ZNG1E: variants seen among roughly 807,000 people sequenced by gnomAD.
ZNG1E encodes the protein zinc-regulated GTPase metalloprotein activator 1E.
the ZNG1E span, among the ~76,000 whole-genome samples, chr9:65,691,539 A>G: frequency 6.6e-6 from 1 of 152,240 alleles, no homozygotes; most frequent in African/African-American, 2.4e-5. Context: ...GTGGAACTCG[A>G]TGTCACTCAA....
chr9:65,728,474 G>T, the ZNG1E span, among the ~76,000 whole-genome samples: 3 of 148,562 alleles, frequency 2.0e-5, no homozygotes, highest in African/African-American at 7.7e-5. Flanking sequence ...TTGATAGACC[G>T]TTAGCAAGAT....
chr9:65,668,178 A>C, the ZNG1E span, among the ~76,000 whole-genome samples: 1 of 151,802 alleles, frequency 6.6e-6, no homozygotes, highest in African/African-American at 2.4e-5. Context: ...AATTTTATGA[A>C]TGCACATGTA....
At chr9:65,681,020 C>T in the ZNG1E span, among the ~76,000 whole-genome samples, 4 of 151,760 alleles carry the variant, frequency 2.6e-5, no homozygotes, top group Admixed American at 2.0e-4. Flanking sequence ...GATCTCCTGA[C>T]CTCGTGATCC....
the ZNG1E span, among the ~76,000 whole-genome samples, chr9:65,656,611 G>A: frequency 1.3e-5 from 2 of 152,282 alleles, no homozygotes; most frequent in Admixed American, 6.5e-5. Context: ...CCAGATAATG[G>A]TCCCTCTCCC....
the ZNG1E span, among the ~76,000 whole-genome samples, chr9:65,694,114 G>A: frequency 6.0e-5 from 9 of 150,704 alleles, 1 homozygote; most frequent in East Asian, 5.8e-4. Flanking sequence ...ACAGTTTCAC[G>A]CAGAAAAATT....
At chr9:65,684,550 G>GCACA in the ZNG1E span, among the ~76,000 whole-genome samples, 582 of 132,656 alleles carry the variant, frequency 4.4e-3, 5 homozygotes, top group African/African-American at 0.011. Flanking sequence ...ACACACGCAC[G>GCACA]CACACACACA....
At chr9:65,703,589 T>A in the ZNG1E span, 1 of 120,340 alleles carries the variant, frequency 8.3e-6, no homozygotes, top group Non-Finnish European at 1.0e-5. Context: ...AAGCTCATTT[T>A]TTTTTTTTTT....
At chr9:65,666,311 G>T in the ZNG1E span, among the ~76,000 whole-genome samples, 6 of 150,014 alleles carry the variant, frequency 4.0e-5, no homozygotes, top group Admixed American at 1.4e-4. Context: ...AGTCTCATGA[G>T]ATCTGATGGT....
At chr9:65,703,831 C>A in the ZNG1E span, 3 of 968,822 alleles carry the variant, frequency 3.1e-6, no homozygotes, top group Non-Finnish European at 3.6e-6. Flanking sequence ...GCAGCAGCTG[C>A]TTATATGCAT....
At chr9:65,677,519 G>A in the ZNG1E span, among the ~76,000 whole-genome samples, 30 of 152,328 alleles carry the variant, frequency 2.0e-4, no homozygotes, top group East Asian at 2.3e-3. Flanking sequence ...CTGAAACTTC[G>A]TCTGTTACCA....
the ZNG1E span, among the ~76,000 whole-genome samples, chr9:65,709,359 A>G: frequency 1.3e-5 from 2 of 150,136 alleles, no homozygotes; most frequent in African/African-American, 2.5e-5. Context: ...TTATTTATTT[A>G]TTATTATTAT....
the ZNG1E span, among the ~76,000 whole-genome samples, chr9:65,656,744 T>G: frequency 1.3e-5 from 2 of 152,286 alleles, no homozygotes; most frequent in African/African-American, 4.8e-5. Flanking sequence ...GGAACATTTA[T>G]AAGCTAACAG....
At chr9:65,659,155 T>C in the ZNG1E span, among the ~76,000 whole-genome samples, 1 of 152,170 alleles carries the variant, frequency 6.6e-6, no homozygotes, top group Non-Finnish European at 1.5e-5. Flanking sequence ...TCACCAGCAA[T>C]TTGGGAGACT....
the ZNG1E span, chr9:65,708,173 G>A: frequency 4.8e-5 from 7 of 145,532 alleles, no homozygotes; most frequent in South Asian, 2.2e-4. Flanking sequence ...GTCCTCTGTG[G>A]TTTTCTGGGC....
the ZNG1E span, chr9:65,704,011 A>G: frequency 9.8e-6 from 4 of 408,394 alleles, no homozygotes; most frequent in Non-Finnish European, 1.1e-5. Flanking sequence ...CACTTATACC[A>G]TGAGCCATTC....
the ZNG1E span, among the ~76,000 whole-genome samples, chr9:65,662,480 A>C: frequency 1.3e-5 from 2 of 152,196 alleles, no homozygotes; most frequent in Non-Finnish European, 2.9e-5. Context: ...GTAAGATATT[A>C]ACATTCAGGA....
At chr9:65,665,012 G>A in the ZNG1E span, among the ~76,000 whole-genome samples, 1 of 152,258 alleles carries the variant, frequency 6.6e-6, no homozygotes, top group African/African-American at 2.4e-5. Flanking sequence ...TGACTTGGGT[G>A]CTGTTAAAGG....
the ZNG1E span, among the ~76,000 whole-genome samples, chr9:65,717,635 G>A: frequency 6.7e-6 from 1 of 149,440 alleles, no homozygotes; most frequent in Non-Finnish European, 1.5e-5. Context: ...ACATTTAAAT[G>A]TGTTTACAAG....
chr9:65,707,661 TG>T, the ZNG1E span: 1 of 75,682 alleles, frequency 1.3e-5, no homozygotes. Context: ...ATAAAGGAGA[TG>T]TTTTTTCTTA....
Sources: gnomAD v4.1 joint callset for allele counts (sites outside exome capture counted in the v4.1 genomes callset) on GRCh38, gnomAD v4.1.1 for gene constraint, MANE v1.5 for transcripts, NCBI Gene and HGNC (gene_info 2026-07-23, HGNC 2026-07-21) for gene names.